The following LCORL variants were observed in gnomAD, a reference collection of about 807,000 sequenced individuals.
LCORL encodes the protein ligand dependent nuclear receptor corepressor like, also known as ligand-dependent nuclear receptor corepressor-like protein.
LCORL carries 41 observed loss-of-function variants against 141.8 expected under a neutral mutation model. That is an observed-to-expected ratio of 0.29 (90% CI 0.23 to 0.38). The LOEUF is 0.38. Among genes scored for constraint, LCORL ranks in the 10% least tolerant of loss-of-function variants. The pLI is 1.00. For missense variants in LCORL, 1,759 were observed against 2,035.0 expected, an observed-to-expected ratio of 0.86 and a Z score of 2.61; for synonymous variants, 618 against 694.1, an observed-to-expected ratio of 0.89 and a Z score of 1.72.
At chr4:17,846,248 T>C (rs1460858239) in intron 7 of LCORL, among the ~76,000 whole-genome samples, 2 of 152,098 alleles carry the variant, frequency 1.3e-5, no homozygotes, top group East Asian at 3.9e-4. Flanking sequence ...AGAGCCACTT[T>C]GAGAAAAAAA....
At chr4:17,986,991 C>T (rs1452856801) in intron 1 of LCORL, among the ~76,000 whole-genome samples, 1 of 151,932 alleles carries the variant, frequency 6.6e-6, no homozygotes, top group Admixed American at 6.6e-5. Context: ...TTTTTTCTTA[C>T]ATAAGAAAAA....
At chr4:17,972,863 C>A in exon 2 of LCORL, 2 of 1,434,516 alleles carry the variant, frequency 1.4e-6, no homozygotes, top group Non-Finnish European at 1.8e-6. Context: ...GTCCATAAAG[C>A]CCTTCTAAAA....
rs150956049 is a variant in LCORL at position 17,998,792 on chromosome 4, C to T, written c.154+22806G>A. 2.6e-3 allele frequency among the ~76,000 whole-genome samples: 396 copies of T among 151,080 alleles called. 3 individuals carry two copies. The highest frequency in any genetic ancestry group is 9.0e-3 in the African/African-American group (370 of 41,120). ...CCAGCCTGGGCAACATAACGAAACC[C>T]TGTCTCTGCAAAAACCACAAAAATT... is the stretch of plus-strand genomic sequence containing the variant. On this transcript the variant is annotated intron_variant, in intron 1 of 7. Transcript: ENST00000635767.
chr4:18,014,063 C>G, intron 1 of LCORL, among the ~76,000 whole-genome samples: 1 of 152,144 alleles, frequency 6.6e-6, no homozygotes. Flanking sequence ...CTGCCTCAGT[C>G]TCCCAAAGTG....
rs377742219 is a variant in LCORL at position 17,847,185 on chromosome 4, C to T, written c.5603-1284G>A. ...TGAATCCTTATGTTTATAAACTATT[C>T]AACAGCTCTCTAATTCACTTGACAT... On this transcript the variant is annotated intron_variant, in intron 7 of 7. Coordinates refer to ENST00000635767, the Ensembl canonical transcript of LCORL. 2.6e-5 allele frequency among the ~76,000 whole-genome samples: 4 copies of T among 152,254 alleles called. No individual in the cohort carries two copies. In the East Asian group the frequency reaches 5.8e-4, roughly 22 times the overall value.
chr4:17,895,417 C>T (rs1244558560), intron 5 of LCORL, among the ~76,000 whole-genome samples: 2 of 151,982 alleles, frequency 1.3e-5, no homozygotes, highest in Admixed American at 6.6e-5. Flanking sequence ...TGTATTTGTC[C>T]TACTGTGCTG....
chr4:17,876,413 T>A lies in LCORL; in HGVS notation c.2577A>T (p.Gly859=), dbSNP rs567773829. Residue 859 remains glycine, a synonymous_variant, in exon 7 of 8, where the codon GGA becomes GGT. Transcript: ENST00000635767. Reference sequence around the variant, plus strand: ...CTATCAATTTCTTGGATGCTTTATATCCTTCTGATAATGGCTGATTATTCC... The same window carrying A: ...CTATCAATTTCTTGGATGCTTTATAACCTTCTGATAATGGCTGATTATTCC... The A allele has an allele frequency of 2.4e-6, 3 of 1,230,924 alleles. No individual in the cohort carries two copies. In the East Asian group the frequency reaches 9.5e-5, roughly 39 times the overall value. The allele number at this position is 1,230,924 out of a possible 1,614,324, so 76.3% of individuals were successfully genotyped here.
intron 4 of LCORL, among the ~76,000 whole-genome samples, chr4:17,924,233 G>T (rs1393343097): frequency 1.3e-5 from 2 of 152,156 alleles, no homozygotes; most frequent in South Asian, 2.1e-4. Context: ...CAGCAGAGAA[G>T]GATTTTAGTA....
chr4:17,910,794 T>C (rs1401828150), intron 4 of LCORL, among the ~76,000 whole-genome samples: 3 of 152,240 alleles, frequency 2.0e-5, no homozygotes, highest in Admixed American at 6.5e-5. Context: ...CACAGGGTGC[T>C]ATCTCAGACT....
At chr4:17,922,502 G>C (rs117468636) in intron 4 of LCORL, among the ~76,000 whole-genome samples, 289 of 152,258 alleles carry the variant, frequency 1.9e-3, no homozygotes, top group East Asian at 0.016. Context: ...GTTCACTAGA[G>C]AAAGTGATGA....
At chr4:17,862,635 A>C (rs1725142838) in intron 7 of LCORL, among the ~76,000 whole-genome samples, 1 of 152,236 alleles carries the variant, frequency 6.6e-6, no homozygotes, top group Admixed American at 6.5e-5. Context: ...AGAAGTCCCT[A>C]TTCAGTATAT....
intron 4 of LCORL, among the ~76,000 whole-genome samples, chr4:17,941,287 A>G (rs1386904089): frequency 6.6e-6 from 1 of 152,132 alleles, no homozygotes; most frequent in Non-Finnish European, 1.5e-5. Flanking sequence ...GAGGCACTAT[A>G]TATGCACATA....
intron 1 of LCORL, among the ~76,000 whole-genome samples, chr4:17,984,217 T>A (rs1718532933): frequency 6.6e-6 from 1 of 152,044 alleles, no homozygotes; most frequent in African/African-American, 2.4e-5. Flanking sequence ...AAGGATATTA[T>A]CCTGGAGTTC....
intron 1 of LCORL, among the ~76,000 whole-genome samples, chr4:17,989,302 T>A (rs1436097951): frequency 6.6e-6 from 1 of 152,244 alleles, no homozygotes; most frequent in Non-Finnish European, 1.5e-5. Context: ...ACTATACTTG[T>A]CATAGATTTT....
chr4:17,850,237 T>TA (rs1723477214), intron 7 of LCORL, among the ~76,000 whole-genome samples: 1 of 145,010 alleles, frequency 6.9e-6, no homozygotes, highest in Admixed American at 6.9e-5. Flanking sequence ...ACTTCATGTC[T>TA]AAAACACCAA....
intron 7 of LCORL, 32 bp downstream of exon 7, chr4:17,873,356 G>T: frequency 1.6e-6 from 2 of 1,219,166 alleles, no homozygotes; most frequent in South Asian, 4.2e-5. Context: ...CACCTACAAT[G>T]AAACTTTAAA....
intron 2 of LCORL, among the ~76,000 whole-genome samples, chr4:17,970,427 G>A (rs1040865861): frequency 6.6e-6 from 1 of 152,178 alleles, no homozygotes; most frequent in African/African-American, 2.4e-5. Flanking sequence ...GCCTTTGGAA[G>A]AGAAGGCTAT....
chr4:17,891,476 C>T lies in LCORL; in HGVS notation c.683-5315G>A, dbSNP rs950858267. Among the ~76,000 whole-genome samples the T allele has an allele frequency of 5.3e-5, 8 of 151,984 alleles. No homozygotes were observed. In the South Asian group the frequency reaches 1.5e-3, roughly 28 times the overall value. On this transcript the variant is annotated intron_variant, in intron 5 of 7. Coordinates refer to ENST00000635767, the Ensembl canonical transcript of LCORL. ...AAAAGGTTCTATATAAAAAGATATA[C>T]CGTAGATTGTACAATTTTTTAAAAA...
At chr4:17,886,218 A>G (rs1728250737) in intron 5 of LCORL, 57 bp from the exon 6 acceptor site, 1 of 834,254 alleles carries the variant, frequency 1.2e-6, no homozygotes, top group African/African-American at 1.7e-5. Flanking sequence ...CAATCCTTAC[A>G]TTTTAATATT....
Sources: allele counts gnomAD v4.1 joint callset (sites outside exome capture counted in the v4.1 genomes callset), GRCh38; gene constraint gnomAD v4.1.1; transcripts MANE v1.5; gene names NCBI Gene and HGNC (gene_info 2026-07-23, HGNC 2026-07-21).